FAM184A: variants seen among roughly 807,000 people sequenced by gnomAD.
FAM184A encodes family with sequence similarity 184 member A.
Under a neutral mutation model 143.8 loss-of-function variants are expected in FAM184A, and 99 were observed. The observed-to-expected ratio is 0.69, with a 90% CI of 0.58 to 0.81. The LOEUF (loss-of-function observed/expected upper bound fraction) is 0.81, where lower values mean the gene tolerates loss of function less well. FAM184A is among the 40% of genes least tolerant of loss of function. The pLI is 0.00. For missense variants in FAM184A, 1,217 were observed against 1,310.5 expected, an observed-to-expected ratio of 0.93 and a Z score of 1.10; for synonymous variants, 427 against 446.4, an observed-to-expected ratio of 0.96 and a Z score of 0.55.
At chr6:119,113,518 G>C (rs966268830) in intron 1 of FAM184A, among the ~76,000 whole-genome samples, 1 of 151,986 alleles carries the variant, frequency 6.6e-6, no homozygotes, top group Non-Finnish European at 1.5e-5. Context: ...TACAACTATA[G>C]TTCTCAGTCC....
intron 3 of FAM184A, 66 bp downstream of exon 3, chr6:119,022,879 A>G: frequency 6.3e-7 from 1 of 1,598,432 alleles, no homozygotes; most frequent in Non-Finnish European, 8.6e-7. Flanking sequence ...TCTGTCTCCA[A>G]AAAAATAAAT....
chr6:119,001,573 AAAC>A, intron 9 of FAM184A, among the ~76,000 whole-genome samples: 1 of 152,170 alleles, frequency 6.6e-6, no homozygotes, highest in Non-Finnish European at 1.5e-5. Context: ...AAAAAGAAGA[AAAC>A]AAAATTCAGA....
chr6:119,003,460 T>G, intron 8 of FAM184A, 41 bp downstream of exon 8: 1 of 1,582,332 alleles, frequency 6.3e-7, no homozygotes, highest in Non-Finnish European at 8.6e-7. Context: ...AAAACTTTCT[T>G]GCATGTCTTT....
chr6:119,098,155 A>G (rs550937451), intron 1 of FAM184A, among the ~76,000 whole-genome samples: 65 of 152,294 alleles, frequency 4.3e-4, no homozygotes, highest in African/African-American at 1.5e-3. Flanking sequence ...GGTAGTGAGT[A>G]AGTCTCATGA....
At chr6:119,054,355 A>G (rs1786880859) in intron 1 of FAM184A, among the ~76,000 whole-genome samples, 1 of 152,232 alleles carries the variant, frequency 6.6e-6, no homozygotes, top group Non-Finnish European at 1.5e-5. Context: ...TTTATCTCTT[A>G]CAGTTCCAGA....
rs530860361 is a variant in FAM184A, at chr6:119,111,718, C to T, written c.-202+37360G>A. ...CTAGTCACAATGCAAATTATTTTGG[C>T]GGTGTCGAGAATGCAGCAGTTTAAT... On this transcript the variant is annotated intron_variant, in intron 1 of 16. Coordinates refer to the FAM184A transcript ENST00000352896. 9.2e-5 allele frequency among the ~76,000 whole-genome samples: 14 copies of T among 152,106 alleles called. No homozygotes were observed. In the East Asian group the frequency reaches 1.3e-3, roughly 15 times the overall value.
intron 1 of FAM184A, among the ~76,000 whole-genome samples, chr6:119,077,133 A>C (rs771391465): frequency 3.0e-4 from 46 of 152,058 alleles, no homozygotes; most frequent in Non-Finnish European, 5.3e-4. Context: ...CTCTCTTCCG[A>C]ATCTCATGTC....
intron 5 of FAM184A, among the ~76,000 whole-genome samples, chr6:119,014,122 A>T (rs1582504588): frequency 6.6e-6 from 1 of 152,256 alleles, no homozygotes; most frequent in East Asian, 1.9e-4. Flanking sequence ...TCTTCAGTAA[A>T]ATGTGTAGAG....
intron 14 of FAM184A, among the ~76,000 whole-genome samples, chr6:118,970,380 C>T (rs1190843575): frequency 6.6e-6 from 1 of 151,968 alleles, no homozygotes. Context: ...AGGACTTCAG[C>T]ATAAATGCTA....
At position 119,024,258 on chromosome 6, in the gene FAM184A, G is replaced by C; in HGVS notation, c.715C>G (p.Leu239Val). The change falls in exon 2 of 18, where the codon CTT becomes GTT. Residue 239 changes from leucine to valine, a missense_variant. By Grantham distance (32) the Leu-to-Val change is conservative. Transcript: ENST00000338891. ...TCCTCAATTAGTTTCTTCCGTTCAA[G>C]TCTTAGCTCCTCAAGCATTTTGTTT... ...SLNKMLEELR[L>V]ERKKLIEDYE... 6.2e-7 allele frequency: 1 copy of C among 1,614,156 alleles called. No individual in the cohort carries two copies. The highest frequency in any genetic ancestry group is 1.1e-5 in the South Asian group (1 of 91,084).
intron 17 of FAM184A, among the ~76,000 whole-genome samples, chr6:118,961,389 A>G (rs2114526861): frequency 6.6e-6 from 1 of 151,082 alleles, no homozygotes; most frequent in South Asian, 2.1e-4. Flanking sequence ...AAACATATAT[A>G]AAAAACAAAA....
At chr6:119,122,219 T>C (rs1050997991) in intron 1 of FAM184A, among the ~76,000 whole-genome samples, 1 of 152,166 alleles carries the variant, frequency 6.6e-6, no homozygotes, top group Non-Finnish European at 1.5e-5. Flanking sequence ...GCCTTAGTGG[T>C]CAGGGAGAAG....
intron 1 of FAM184A, among the ~76,000 whole-genome samples, chr6:119,112,010 C>A (rs1019965951): frequency 6.6e-6 from 1 of 152,174 alleles, no homozygotes; most frequent in African/African-American, 2.4e-5. Flanking sequence ...CTATTAAAAA[C>A]TATGTAATCC....
chr6:119,031,945 A>G (rs1252345854), intron 1 of FAM184A, among the ~76,000 whole-genome samples: 1 of 152,206 alleles, frequency 6.6e-6, no homozygotes. Context: ...AGGAGGAAAA[A>G]GTGAGTACAG....
intron 1 of FAM184A, among the ~76,000 whole-genome samples, chr6:119,146,587 T>C (rs1315431352): frequency 6.6e-6 from 1 of 152,136 alleles, no homozygotes; most frequent in Non-Finnish European, 1.5e-5. Flanking sequence ...TAAGCCACTA[T>C]GCCTAGCTTA....
At chr6:119,036,255 A>G (rs1300554927) in intron 1 of FAM184A, among the ~76,000 whole-genome samples, 1 of 152,008 alleles carries the variant, frequency 6.6e-6, no homozygotes, top group African/African-American at 2.4e-5. Context: ...AAAAGACAAA[A>G]GCCATTCTTC....
At chr6:119,132,739 C>G (rs139369578) in intron 1 of FAM184A, among the ~76,000 whole-genome samples, 3 of 152,308 alleles carry the variant, frequency 2.0e-5, no homozygotes, top group African/African-American at 7.2e-5. Context: ...ACACAGTGAC[C>G]CAAGTCATTG....
intron 13 of FAM184A, 21 bp from the exon 14 acceptor site, chr6:118,974,595 T>G (rs1783792871): frequency 6.4e-7 from 1 of 1,569,622 alleles, no homozygotes; most frequent in Non-Finnish European, 8.6e-7. Context: ...TATTTTTAGT[T>G]AAGAAAATGT....
chr6:119,031,772 T>A (rs1036561732), intron 1 of FAM184A, among the ~76,000 whole-genome samples: 1 of 152,150 alleles, frequency 6.6e-6, no homozygotes, highest in African/African-American at 2.4e-5. Context: ...AGGCTTAACA[T>A]TGCTAAGGTA....
Sources: allele counts gnomAD v4.1 joint callset (sites outside exome capture counted in the v4.1 genomes callset), GRCh38; gene constraint gnomAD v4.1.1; transcripts MANE v1.5; gene names NCBI Gene and HGNC (gene_info 2026-07-23, HGNC 2026-07-21).